DOCK11: variants seen among roughly 807,000 people sequenced by gnomAD.
DOCK11 encodes dedicator of cytokinesis protein 11.
Under a neutral mutation model 169.1 loss-of-function variants are expected in DOCK11, and 70 were observed. That is an observed-to-expected ratio of 0.41 (90% CI 0.34 to 0.51). The LOEUF is 0.51. Ranked by LOEUF, DOCK11 falls within the 20% of genes least tolerant of loss-of-function variation. DOCK11 has a pLI of 0.10. For synonymous variants in DOCK11, 529 were observed against 541.3 expected (o/e 0.98, Z 0.32); for missense variants, 1,166 against 1,538.8 (o/e 0.76, Z 4.05).
In DOCK11 at chrX:118,598,074, G is replaced by T. The variant is rs749661080; in HGVS notation, c.2430G>T (p.Leu810Phe). 11 of 1,198,827 alleles carry T rather than the reference G, an allele frequency of 9.2e-6. No individual in the cohort carries two copies. The highest frequency in any genetic ancestry group is 1.2e-5 in the Non-Finnish European group (11 of 887,107). ...AATGGGTAGATGGTGCAAAGCCTTT[G>T]TTGAAGATTAAAAGCCACTTAGAAT... ...DIKWVDGAKP[L>F]LKIKSHLEST... The change falls in exon 22 of 53, where the codon TTG becomes TTT. Residue 810 changes from leucine to phenylalanine, a missense_variant. By Grantham distance (22) the Leu-to-Phe change is conservative. Transcript: ENST00000276202.
At position 118,500,108 on chromosome X, in the gene DOCK11, G is replaced by T. The variant is rs752530045; in HGVS notation, c.102+4035G>T. On this transcript the variant is annotated intron_variant, in intron 1 of 52. Transcript: ENST00000276202. ...CTGTCGCCCAGACTGGAGTGCGGTG[G>T]CGGGATCTCGGCTCACTGCAAGCTC... 1.9e-3 allele frequency among the ~76,000 whole-genome samples: 209 copies of T among 107,854 alleles called. 1 individual carries two copies. The highest frequency in any genetic ancestry group is 3.4e-3 in the Non-Finnish European group (175 of 52,071). The allele number at this position is 107,854 out of a possible 115,157, so 93.7% of individuals were successfully genotyped here.
chrX:118,626,341 A>C (rs2015104358), intron 32 of DOCK11, among the ~76,000 whole-genome samples: 1 of 111,045 alleles, frequency 9.0e-6, no homozygotes, highest in African/African-American at 3.3e-5. Context: ...AAAGTGCTGG[A>C]ATTATAGGCA....
intron 52 of DOCK11, among the ~76,000 whole-genome samples, chrX:118,685,079 A>G (rs1306122710): frequency 3.6e-5 from 4 of 112,002 alleles, no homozygotes; most frequent in Admixed American, 9.5e-5. Context: ...CATTTAAAAA[A>G]TATTTAAACT....
At position 118,641,255 on chromosome X, in the gene DOCK11, G is replaced by T. The variant is rs752651494; in HGVS notation, c.4210G>T (p.Val1404Phe). The T allele has an allele frequency of 1.7e-6, 2 of 1,210,052 alleles. No individual in the cohort carries two copies. Among genetic ancestry groups the T allele is most frequent in the Non-Finnish European group, 2.2e-6 (2 of 893,894 alleles). Residue 1404 changes from valine to phenylalanine, a missense_variant, in exon 39 of 53, where the codon GTT becomes TTT. Coordinates refer to ENST00000276202, the MANE Select transcript of DOCK11 (RefSeq NM_144658.4). The part of the protein sequence containing the change: ...ALLEGNTATE[V>F]SLTVLDTISF... ...TCTTGAAGGCAATACAGCTACTGAA[G>T]TTTCCCTAACAGTACTAGACACCAT...
chrX:118,561,513 T>C lies in DOCK11; in HGVS notation c.689T>C (p.Val230Ala), dbSNP rs2012908880. The change falls in exon 7 of 53, where the codon GTT becomes GCT. Residue 230 changes from valine (V) to alanine (A), a missense_variant. By Grantham distance (64) the Val-to-Ala change is moderately conservative. Coordinates refer to ENST00000276202, the MANE Select transcript of DOCK11 (RefSeq NM_144658.4). ...TACTTGGACGCCTGCATTGATGTTGTTCAGGTAAGGCCATTGAGGTAATCC... is the reference window on the plus strand; with the variant it reads ...TACTTGGACGCCTGCATTGATGTTGCTCAGGTAAGGCCATTGAGGTAATCC... ...CIYLDACIDV[V>A]QCPKMRRHAF... The C allele has an allele frequency of 5.0e-6, 6 of 1,193,304 alleles. No homozygotes were observed. Among genetic ancestry groups the C allele is most frequent in the Non-Finnish European group, 6.8e-6 (6 of 887,619 alleles).
At chrX:118,659,422 C>T (rs1482457194) in intron 44 of DOCK11, among the ~76,000 whole-genome samples, 1 of 112,031 alleles carries the variant, frequency 8.9e-6, no homozygotes, top group Non-Finnish European at 1.9e-5. Flanking sequence ...CAGATGCATC[C>T]TTCTGTTGGG....
rs776025765 is a variant in DOCK11, at chrX:118,615,584, A to C, written c.3181-16A>C. ...CCTACTAAATATGAGCTAATGTATC[A>C]TTTCTTTCCATTTAGGTTCTGGCTG... On this transcript the variant is annotated splice_polypyrimidine_tract_variant and intron_variant, in intron 29 of 52. Transcript: ENST00000276202. 8.6e-7 allele frequency: 1 copy of C among 1,158,740 alleles called. No individual in the cohort carries two copies. Among genetic ancestry groups the C allele is most frequent in the Admixed American group, 2.2e-5 (1 of 44,601 alleles).
chrX:118,574,611 C>A (rs959903105), intron 12 of DOCK11, among the ~76,000 whole-genome samples: 1 of 111,570 alleles, frequency 9.0e-6, no homozygotes, highest in Non-Finnish European at 1.9e-5. Flanking sequence ...CACACCTGCA[C>A]CCACACTCAT....
chrX:118,528,096 G>GT (rs2011418970), intron 1 of DOCK11, among the ~76,000 whole-genome samples: 1 of 112,602 alleles, frequency 8.9e-6, no homozygotes, highest in African/African-American at 3.2e-5. Flanking sequence ...CATTGTTATC[G>GT]TAAGAGAGAG....
At chrX:118,496,181 T>C in intron 1 of DOCK11, 108 bp downstream of exon 1, 1 of 529,711 alleles carries the variant, frequency 1.9e-6, no homozygotes, top group Non-Finnish European at 2.5e-6. Context: ...CCGCGCGCTG[T>C]CTTTCTCCGC....
At chrX:118,619,748 A>G (rs1474441326) in intron 31 of DOCK11, among the ~76,000 whole-genome samples, 1 of 109,581 alleles carries the variant, frequency 9.1e-6, no homozygotes, top group African/African-American at 3.3e-5. Flanking sequence ...TAAATTTTAC[A>G]TACGTTACAC....
intron 7 of DOCK11, among the ~76,000 whole-genome samples, 175 bp downstream of exon 7, chrX:118,561,692 C>T (rs896040031): frequency 2.7e-5 from 3 of 109,961 alleles, no homozygotes; most frequent in Non-Finnish European, 5.7e-5. Context: ...AAAGAGACCC[C>T]ATCTCTACAA....
chrX:118,618,155 T>C (rs2147473557), intron 30 of DOCK11, among the ~76,000 whole-genome samples: 1 of 112,116 alleles, frequency 8.9e-6, no homozygotes, highest in Non-Finnish European at 1.9e-5. Flanking sequence ...TCAAGTATTA[T>C]TACATAGAAT....
chrX:118,516,018 T>TATATATATATATATATATATATATATGC (rs1269373292), intron 1 of DOCK11, among the ~76,000 whole-genome samples: 4 of 81,501 alleles, frequency 4.9e-5, no homozygotes, highest in African/African-American at 2.1e-4. Flanking sequence ...TATATATATA[T>TATATATATATATATATATATATATATGC]ACATTCTTAC....
chrX:118,523,209 A>T (rs1456986740), intron 1 of DOCK11, among the ~76,000 whole-genome samples: 4 of 112,179 alleles, frequency 3.6e-5, no homozygotes, highest in Non-Finnish European at 7.5e-5. Context: ...TGAGGGTAGG[A>T]CATATGGTCA....
intron 4 of DOCK11, 31 bp from the exon 5 acceptor site, chrX:118,545,292 A>G: frequency 9.8e-7 from 1 of 1,018,610 alleles, no homozygotes; most frequent in Admixed American, 3.2e-5. Flanking sequence ...TGGTCTTTTT[A>G]GTGTCTAAGA....
chrX:118,516,004 A>ACTCTATATATATATATATAT (rs1436837389), intron 1 of DOCK11, among the ~76,000 whole-genome samples: 4 of 44,938 alleles, frequency 8.9e-5, no homozygotes, highest in African/African-American at 4.7e-4. Flanking sequence ...GATTTGGGCA[A>ACTCTATATATATATATATAT]ATATATATAT....
At chrX:118,588,924 G>T (rs1391113614) in intron 18 of DOCK11, among the ~76,000 whole-genome samples, 3 of 112,204 alleles carry the variant, frequency 2.7e-5, no homozygotes, top group Non-Finnish European at 5.6e-5. Flanking sequence ...CTTGGATTGT[G>T]GTCTATGAAA....
chrX:118,594,313 A>C (rs777202861), intron 20 of DOCK11, among the ~76,000 whole-genome samples: 45 of 111,959 alleles, frequency 4.0e-4, no homozygotes, highest in African/African-American at 1.4e-3. Flanking sequence ...TTATTCACTC[A>C]TTCATTCATT....
Sources: allele counts gnomAD v4.1 joint callset (sites outside exome capture counted in the v4.1 genomes callset), GRCh38; gene constraint gnomAD v4.1.1; transcripts MANE v1.5; gene names NCBI Gene and HGNC (gene_info 2026-07-23, HGNC 2026-07-21).